Variants in FOXK2 observed in about 807,000 individuals in gnomAD.
FOXK2 encodes the protein forkhead box K2.
A neutral mutation model predicts 53.3 loss-of-function variants in FOXK2; 24 were observed. The observed-to-expected ratio is 0.45, with a 90% CI of 0.33 to 0.63. FOXK2 has a LOEUF of 0.63. Among genes scored for constraint, FOXK2 ranks in the 30% least tolerant of loss-of-function variants. The pLI is 0.03. For synonymous variants in FOXK2, 505 were observed against 407.1 expected, an observed-to-expected ratio of 1.24 and a Z score of -2.89; for missense variants, 952 against 910.5, an observed-to-expected ratio of 1.05 and a Z score of -0.59.
chr17:82,582,720 G>C (rs539828089), intron 4 of FOXK2, 21 bp from the exon 5 acceptor site: 1 of 1,535,224 alleles, frequency 6.5e-7, no homozygotes. Flanking sequence ...TGAATTCTAC[G>C]TATTTTTTTA....
intron 4 of FOXK2, chr17:82,578,565 A>C (rs776274414): frequency 6.6e-6 from 1 of 152,184 alleles, no homozygotes; most frequent in African/African-American, 2.4e-5. Flanking sequence ...CCTTAGAAAC[A>C]TAGTTACTTT....
intron 1 of FOXK2, among the ~76,000 whole-genome samples, chr17:82,540,243 C>T (rs905278817): frequency 6.6e-6 from 1 of 150,846 alleles, no homozygotes; most frequent in Non-Finnish European, 1.5e-5. Context: ...GTCATGCCAT[C>T]GCAGTCCAGC....
intron 4 of FOXK2, chr17:82,577,198 A>G: frequency 9.3e-7 from 1 of 1,072,340 alleles, no homozygotes; most frequent in Non-Finnish European, 1.4e-6. Flanking sequence ...TGTATTCATT[A>G]AAAATAGGTG....
intron 1 of FOXK2, among the ~76,000 whole-genome samples, chr17:82,533,024 A>C (rs2044486913): frequency 6.6e-6 from 1 of 152,118 alleles, no homozygotes. Context: ...ACTGTCTTCT[A>C]CCTCCACATC....
At chr17:82,546,061 ACT>A (rs1373055734) in intron 1 of FOXK2, among the ~76,000 whole-genome samples, 3 of 150,588 alleles carry the variant, frequency 2.0e-5, no homozygotes, top group African/African-American at 4.9e-5. Context: ...TTCCCTAATG[ACT>A]AATGATGTTG....
chr17:82,588,183 T>G (rs1460603078), intron 8 of FOXK2: 4 of 151,644 alleles, frequency 2.6e-5, no homozygotes, highest in Non-Finnish European at 5.9e-5. Flanking sequence ...CTACCTGGGG[T>G]TTTTTTTGTT....
intron 4 of FOXK2, among the ~76,000 whole-genome samples, chr17:82,580,169 G>A (rs1217095038): frequency 8.2e-5 from 6 of 72,746 alleles, no homozygotes; most frequent in African/African-American, 2.2e-4. Flanking sequence ...CATGTCGCCG[G>A]TGAAGTAGCT....
intron 8 of FOXK2, among the ~76,000 whole-genome samples, chr17:82,597,999 A>G (rs1414123830): frequency 2.6e-5 from 4 of 152,180 alleles, no homozygotes; most frequent in Admixed American, 6.5e-5. Flanking sequence ...TCTAATTGAC[A>G]CAGAATAATT....
Position 82,568,287 on chromosome 17 carries a change from G to A in FOXK2, c.762+86G>A, listed in dbSNP as rs2044874710. 1.3e-5 allele frequency: 19 copies of A among 1,511,670 alleles called. 1 individual carries two copies. In the South Asian group the frequency reaches 1.9e-4, roughly 15 times the overall value. The allele number at this position is 1,511,670 out of a possible 1,614,324, so 93.6% of individuals were successfully genotyped here. A position where few individuals can be genotyped will look rare whatever the true frequency, so the allele number is the denominator to read the frequency against. On this transcript the variant is annotated intron_variant, in intron 3 of 8. Coordinates refer to ENST00000335255, the MANE Select transcript of FOXK2 (RefSeq NM_004514.4). ...AATGTCACCTGCCTGTCACTCACCT[G>A]CCTGTCCAGTGACAGCCCTGCCAGG...
At chr17:82,573,465 A>G (rs999610555) in intron 4 of FOXK2, among the ~76,000 whole-genome samples, 8 of 151,402 alleles carry the variant, frequency 5.3e-5, no homozygotes, top group African/African-American at 1.9e-4. Context: ...AACATATTGC[A>G]TGCTAAATTC....
chr17:82,545,662 A>G (rs977189392), intron 1 of FOXK2, among the ~76,000 whole-genome samples: 6 of 150,806 alleles, frequency 4.0e-5, no homozygotes, highest in African/African-American at 1.5e-4. Context: ...GCTCACTGCA[A>G]CCTCTGCGTC....
At chr17:82,539,279 G>A (rs1439212335) in intron 1 of FOXK2, among the ~76,000 whole-genome samples, 4 of 143,434 alleles carry the variant, frequency 2.8e-5, no homozygotes, top group African/African-American at 7.8e-5. Context: ...TAAGGTGGCC[G>A]GGCGTGGTGG....
rs79919861 is a variant in FOXK2, at chr17:82,569,376, G to A, written c.762+1175G>A. On this transcript the variant is annotated intron_variant, in intron 3 of 8. Coordinates refer to ENST00000335255, the MANE Select transcript of FOXK2 (RefSeq NM_004514.4). ...CAATTGGACAGATCTAAGTTGTATT[G>A]TTTAAGGATGCAGCCAAGTGGTAAA... Among the ~76,000 whole-genome samples, 1,072 of 152,302 alleles carry A rather than the reference G, an allele frequency of 7.0e-3. 7 individuals are homozygous for A. Among genetic ancestry groups the A allele is most frequent in the Middle Eastern group, 0.01 (3 of 294 alleles).
chr17:82,570,209 G>A lies in FOXK2; in HGVS notation c.763-1515G>A, dbSNP rs146480549. Among the ~76,000 whole-genome samples the A allele has an allele frequency of 6.0e-3, 897 of 149,178 alleles. 23 individuals carry two copies. In the East Asian group the frequency reaches 0.078, roughly 13 times the overall value. The stretch of plus-strand genomic sequence containing the variant: ...TGCACTCCAGCCTGAGTGACAGAGC[G>A]AGACTCTGTCTCAAAAAAAAAAGAG... On this transcript the variant is annotated intron_variant, in intron 3 of 8. Transcript: ENST00000335255.
intron 1 of FOXK2, among the ~76,000 whole-genome samples, chr17:82,553,777 C>T (rs751593997): frequency 2.0e-5 from 3 of 152,112 alleles, no homozygotes; most frequent in Non-Finnish European, 2.9e-5. Context: ...CCCAGACGGA[C>T]GTTTGTCCCG....
At chr17:82,595,362 C>T (rs2045299394) in intron 8 of FOXK2, among the ~76,000 whole-genome samples, 1 of 152,102 alleles carries the variant, frequency 6.6e-6, no homozygotes, top group South Asian at 2.1e-4. Flanking sequence ...AGTGCAGTGG[C>T]GTGATCACAG....
At chr17:82,576,414 GA>G (rs2044986844) in intron 4 of FOXK2, among the ~76,000 whole-genome samples, 1 of 152,232 alleles carries the variant, frequency 6.6e-6, no homozygotes, top group African/African-American at 2.4e-5. Context: ...TACGGTTAAT[GA>G]ATACAAGAAG....
chr17:82,534,146 C>T (rs1010480279), intron 1 of FOXK2, among the ~76,000 whole-genome samples: 5 of 151,326 alleles, frequency 3.3e-5, no homozygotes, highest in African/African-American at 4.9e-5. Context: ...CTTGGGAGGC[C>T]GAGGTGGGAG....
At chr17:82,586,521 GGA>G (rs2045168731) in intron 7 of FOXK2, among the ~76,000 whole-genome samples, 2 of 125,710 alleles carry the variant, frequency 1.6e-5, no homozygotes, top group South Asian at 2.6e-4. Context: ...GGAGGAGAGG[GGA>G]GACCACAGGG....
Sources: allele counts gnomAD v4.1 joint callset (sites outside exome capture counted in the v4.1 genomes callset), GRCh38; gene constraint gnomAD v4.1.1; transcripts MANE v1.5; gene names NCBI Gene and HGNC (gene_info 2026-07-23, HGNC 2026-07-21).